ATG7: variants seen among roughly 807,000 people sequenced by gnomAD.
ATG7 encodes autophagy related 7.
ATG7 carries 70 observed loss-of-function variants against 82.4 expected under a neutral mutation model. The observed-to-expected ratio is 0.85, with a 90% CI of 0.70 to 1.04. ATG7 has a LOEUF of 1.04. Among genes scored for constraint, ATG7 ranks in the 50% least tolerant of loss-of-function variants. The pLI is 0.00. For synonymous variants in ATG7, 287 were observed against 313.0 expected (o/e 0.92, Z 0.88); for missense variants, 792 against 864.3 (o/e 0.92, Z 1.05).
intron 20 of ATG7, chr3:11,446,783 A>T (rs1048078964): frequency 4.9e-6 from 1 of 204,068 alleles, no homozygotes; most frequent in Non-Finnish European, 9.9e-6. Flanking sequence ...TGAACCAGCT[A>T]TGCTCCAGGG....
At chr3:11,292,228 G>A (rs1945091812) in intron 3 of ATG7, among the ~76,000 whole-genome samples, 1 of 151,390 alleles carries the variant, frequency 6.6e-6, no homozygotes, top group Admixed American at 6.6e-5. Context: ...AGCCTTGTGT[G>A]AATTTATTTT....
At chr3:11,401,214 G>T (rs2079805189) in intron 19 of ATG7, among the ~76,000 whole-genome samples, 1 of 152,188 alleles carries the variant, frequency 6.6e-6, no homozygotes, top group East Asian at 1.9e-4. Flanking sequence ...GGATTCTGAA[G>T]CATGCTCAAG....
At chr3:11,286,391 G>A (rs1390996354) in intron 3 of ATG7, among the ~76,000 whole-genome samples, 2 of 152,122 alleles carry the variant, frequency 1.3e-5, no homozygotes. Context: ...TAAGTTATAT[G>A]GCATATCGTC....
At chr3:11,472,187 C>G (rs2087618949) in intron 20 of ATG7, among the ~76,000 whole-genome samples, 1 of 152,242 alleles carries the variant, frequency 6.6e-6, no homozygotes, top group South Asian at 2.1e-4. Flanking sequence ...CTAATGTAAC[C>G]TCCACTAGAT....
At chr3:11,518,902 A>G (rs2092357958) in intron 20 of ATG7, among the ~76,000 whole-genome samples, 1 of 152,232 alleles carries the variant, frequency 6.6e-6, no homozygotes, top group African/African-American at 2.4e-5. Flanking sequence ...CAGCTGGTAA[A>G]TGAAGGAAAA....
At chr3:11,482,127 T>C (rs1574931475) in intron 20 of ATG7, among the ~76,000 whole-genome samples, 1 of 152,190 alleles carries the variant, frequency 6.6e-6, no homozygotes. Context: ...CATCACTGCT[T>C]TCTGTGCTCC....
intron 20 of ATG7, among the ~76,000 whole-genome samples, chr3:11,483,116 G>A (rs1285633675): frequency 6.6e-6 from 1 of 152,140 alleles, no homozygotes; most frequent in African/African-American, 2.4e-5. Flanking sequence ...AGAAACCAAA[G>A]TAGTGGTAAA....
intron 19 of ATG7, among the ~76,000 whole-genome samples, chr3:11,386,793 A>G (rs75671842): frequency 0.016 from 2,384 of 152,322 alleles, 32 homozygotes; most frequent in Non-Finnish European, 0.018. Context: ...AATATATCCC[A>G]CATCTTGTCC....
chr3:11,445,216 G>C (rs1313581075), intron 20 of ATG7, among the ~76,000 whole-genome samples: 1 of 152,104 alleles, frequency 6.6e-6, no homozygotes. Context: ...ATACCCAAAG[G>C]AATATAAATC....
downstream of ATG7, among the ~76,000 whole-genome samples, chr3:11,559,848 G>T (rs552216040): frequency 1.3e-5 from 2 of 152,152 alleles, no homozygotes; most frequent in African/African-American, 4.8e-5. Flanking sequence ...CCACTGAGCC[G>T]CGGGTGTGCC....
intron 20 of ATG7, among the ~76,000 whole-genome samples, chr3:11,479,896 T>C (rs2088719149): frequency 6.6e-6 from 1 of 152,064 alleles, no homozygotes; most frequent in South Asian, 2.1e-4. Context: ...TGTTCAGGTT[T>C]TCCAGGCTTC....
Position 11,492,719 on chromosome 3 carries a change from T to G in ATG7, c.2080-62092T>G, listed in dbSNP as rs540384794. 2.0e-5 allele frequency among the ~76,000 whole-genome samples: 3 copies of G among 152,266 alleles called. No individual in the cohort carries two copies. The East Asian group carries it at 5.8e-4, about 29-fold the overall frequency. On this transcript the variant is annotated intron_variant, in intron 20 of 20. Transcript: ENST00000693202. ...GTGAGCAAGTGCAGGAACTAGCCGG[T>G]CACTTTAGCACTGGCAGGACCAAAC...
chr3:11,562,039 A>G (rs566219736), downstream of ATG7, among the ~76,000 whole-genome samples: 1 of 151,864 alleles, frequency 6.6e-6, no homozygotes, highest in Non-Finnish European at 1.5e-5. Flanking sequence ...CTGGGATTAC[A>G]GGCACCCACC....
chr3:11,506,899 G>T (rs531267601), intron 20 of ATG7, among the ~76,000 whole-genome samples: 1 of 152,248 alleles, frequency 6.6e-6, no homozygotes. Flanking sequence ...CCATTCCCTA[G>T]GTAAGGATTC....
chr3:11,358,308 C>T, intron 14 of ATG7, 110 bp from the exon 15 acceptor site: 1 of 1,061,754 alleles, frequency 9.4e-7, no homozygotes, highest in Non-Finnish European at 1.4e-6. Context: ...GCACAGGGAG[C>T]TCTCATGTAT....
At chr3:11,478,988 C>CAACACACACA (rs548466925) in intron 20 of ATG7, among the ~76,000 whole-genome samples, 13,524 of 45,716 alleles carry the variant, frequency 0.3, 987 homozygotes, top group South Asian at 0.33. Flanking sequence ...TGTATATTTA[C>CAACACACACA]AACACACACA....
chr3:11,324,538 G>T (rs979203112), intron 9 of ATG7, among the ~76,000 whole-genome samples: 1 of 152,094 alleles, frequency 6.6e-6, no homozygotes, highest in African/African-American at 2.4e-5. Flanking sequence ...TGCTTTTATG[G>T]GTAAGTGGTA....
chr3:11,405,587 T>G lies in ATG7; in HGVS notation c.1957-21217T>G, dbSNP rs574764700. On this transcript the variant is annotated intron_variant, in intron 19 of 20. Transcript: ENST00000693202. ...TTATCAAGCCCTATTTGGCAATAAT[T>G]ATATTTTACAAGTAGTAAGTATGTA... Among the ~76,000 whole-genome samples, 23 of 152,296 alleles carry G rather than the reference T, an allele frequency of 1.5e-4. No individual in the cohort carries two copies. The South Asian group carries it at 3.5e-3, about 23-fold the overall frequency.
At chr3:11,401,567 A>G (rs754067968) in intron 19 of ATG7, among the ~76,000 whole-genome samples, 2 of 152,248 alleles carry the variant, frequency 1.3e-5, no homozygotes, top group Non-Finnish European at 2.9e-5. Flanking sequence ...AGTCCACTTC[A>G]TGCTCAGCTT....
Sources: gnomAD v4.1 joint callset for allele counts (sites outside exome capture counted in the v4.1 genomes callset) on GRCh38, gnomAD v4.1.1 for gene constraint, MANE v1.5 for transcripts, NCBI Gene and HGNC (gene_info 2026-07-23, HGNC 2026-07-21) for gene names.